HOOK3: variants seen among roughly 807,000 people sequenced by gnomAD.
HOOK3 encodes the protein hook microtubule tethering protein 3, also known as protein Hook homolog 3.
A neutral mutation model predicts 116.3 loss-of-function variants in HOOK3; 24 were observed. That is an observed-to-expected ratio of 0.21 (90% CI 0.15 to 0.29). The LOEUF (loss-of-function observed/expected upper bound fraction) is 0.29. Ranked by LOEUF, HOOK3 falls within the 10% of genes least tolerant of loss-of-function variation. The pLI is 1.00. For synonymous variants in HOOK3, 275 were observed against 283.0 expected, an observed-to-expected ratio of 0.97 and a Z score of 0.28; for missense variants, 632 against 830.2, an observed-to-expected ratio of 0.76 and a Z score of 2.93.
chr8:42,943,526 C>G, intron 5 of HOOK3, 81 bp downstream of exon 5: 1 of 888,238 alleles, frequency 1.1e-6, no homozygotes, highest in Non-Finnish European at 1.5e-6. Context: ...TATAAATCAC[C>G]AGTACCAACA....
At position 42,990,325 on chromosome 8, in the gene HOOK3, CTTTTTTTTTTTTTTTTTTTTTT is replaced by C. The variant is rs59033055; in HGVS notation, c.1532+3546_1532+3567del. 2.4e-4 allele frequency among the ~76,000 whole-genome samples: 9 copies of C among 37,882 alleles called. No individual in the cohort carries two copies. In the East Asian group the frequency reaches 3.3e-3, roughly 14 times the overall value. The allele number at this position is 37,882 out of a possible 152,430, so 24.9% of individuals were successfully genotyped here. ...TTGAGAAATAAATATCTGTTTAGAT[CTTTTTTTTTTTTTTTTTTTTTT>C]TTTTTTTTTTTTTTTGAGGATCTCA... On this transcript the variant is annotated intron_variant, in intron 15 of 21. Transcript: ENST00000307602.
chr8:42,918,362 A>T (rs1807572011), intron 2 of HOOK3, among the ~76,000 whole-genome samples: 1 of 152,168 alleles, frequency 6.6e-6, no homozygotes, highest in African/African-American at 2.4e-5. Context: ...AAAAAGAAAA[A>T]ATTACATTGC....
intron 19 of HOOK3, among the ~76,000 whole-genome samples, chr8:43,011,086 G>A (rs926583732): frequency 3.3e-5 from 5 of 151,680 alleles, no homozygotes; most frequent in South Asian, 2.1e-4. Context: ...TCCGCCTCCC[G>A]GGTTCACGCC....
intron 13 of HOOK3, among the ~76,000 whole-genome samples, chr8:42,981,919 A>G (rs1401381878): frequency 6.8e-6 from 1 of 147,994 alleles, no homozygotes. Context: ...AATATTTTCT[A>G]TAAACCTGAC....
At chr8:42,948,841 A>T (rs1299298724) in intron 5 of HOOK3, among the ~76,000 whole-genome samples, 1 of 152,212 alleles carries the variant, frequency 6.6e-6, no homozygotes, top group Non-Finnish European at 1.5e-5. Flanking sequence ...TTAAGTTATG[A>T]TATTCCTGTT....
chr8:42,978,390 C>A (rs1586618752), intron 13 of HOOK3, among the ~76,000 whole-genome samples: 1 of 150,936 alleles, frequency 6.6e-6, no homozygotes, highest in Non-Finnish European at 1.5e-5. Flanking sequence ...ATTACAGGTG[C>A]CTACCACCAT....
intron 9 of HOOK3, among the ~76,000 whole-genome samples, chr8:42,964,997 G>A (rs1384690362): frequency 6.6e-6 from 1 of 152,224 alleles, no homozygotes; most frequent in Non-Finnish European, 1.5e-5. Context: ...GCAGAATGCC[G>A]CAACTATAGG....
chr8:42,903,753 A>C (rs1400439955), intron 1 of HOOK3, among the ~76,000 whole-genome samples: 1 of 149,378 alleles, frequency 6.7e-6, no homozygotes, highest in Non-Finnish European at 1.5e-5. Flanking sequence ...GTCAGAGATG[A>C]GGACATCCTG....
intron 17 of HOOK3, among the ~76,000 whole-genome samples, chr8:43,005,378 G>A (rs1230128055): frequency 1.3e-5 from 2 of 151,536 alleles, no homozygotes; most frequent in Non-Finnish European, 2.9e-5. Flanking sequence ...CTGCCACCAC[G>A]CCTGGCTCAT....
At chr8:42,982,043 C>G (rs1488107349) in intron 13 of HOOK3, among the ~76,000 whole-genome samples, 3 of 151,458 alleles carry the variant, frequency 2.0e-5, no homozygotes. Flanking sequence ...CACCTGAAGT[C>G]AGGAGTTCAA....
In HOOK3 at chr8:42,998,915, A is replaced by G. The variant is rs182482256; in HGVS notation, c.1620+1278A>G. 4.1e-3 allele frequency among the ~76,000 whole-genome samples: 619 copies of G among 152,372 alleles called. 7 individuals carry two copies. Among genetic ancestry groups the G allele is most frequent in the Middle Eastern group, 0.017 (5 of 294 alleles). ...GAAATATTATTAAGCCTAATTAAGT[A>G]TCTTAGAGATGAACTGAATGGGGCA... On this transcript the variant is annotated intron_variant, in intron 16 of 21. Coordinates refer to ENST00000307602, the MANE Select transcript of HOOK3 (RefSeq NM_032410.4).
rs772077185 is a variant in HOOK3 at position 42,968,136 on chromosome 8, G to A, written c.1044G>A (p.Met348Ile). The A allele has an allele frequency of 2.5e-6, 4 of 1,613,464 alleles. No homozygotes were observed. Among genetic ancestry groups the A allele is most frequent in the Non-Finnish European group, 3.4e-6 (4 of 1,179,564 alleles). Residue 348 changes from methionine (M) to isoleucine (I), a missense_variant, in exon 11 of 22, where the codon ATG (methionine) becomes ATA (isoleucine). Physicochemically the swap from Met to Ile is conservative, Grantham distance 10. This residue lies in a region of HOOK3 where 483 missense variants were observed against 648.1 expected (regional missense o/e 0.75). Coordinates refer to ENST00000307602, the MANE Select transcript of HOOK3 (RefSeq NM_032410.4). ...TAGAAGAGAAGAATACCATGTATAT[G>A]CAGAATACTGTCAGTCTAGAGGAAG... ...KLLEEKNTMY[M>I]QNTVSLEEEL... is the part of the protein sequence containing the mutation.
intron 21 of HOOK3, among the ~76,000 whole-genome samples, chr8:43,017,568 A>G (rs1016971183): frequency 6.6e-6 from 1 of 152,178 alleles, no homozygotes; most frequent in African/African-American, 2.4e-5. Flanking sequence ...TCAGTTCTTA[A>G]TGTTTCTCTG....
At chr8:42,991,255 A>G (rs1369132329) in intron 15 of HOOK3, among the ~76,000 whole-genome samples, 2 of 152,168 alleles carry the variant, frequency 1.3e-5, no homozygotes, top group Non-Finnish European at 2.9e-5. Flanking sequence ...TTTGCTTAGA[A>G]TAGCTTTGGT....
At chr8:42,956,223 CGTGTGTGTGTGTGTGT>C (rs61448463) in intron 6 of HOOK3, among the ~76,000 whole-genome samples, 12 of 135,886 alleles carry the variant, frequency 8.8e-5, no homozygotes, top group East Asian at 6.4e-4. Flanking sequence ...AGGATTAGGG[CGTGTGTGTGTGTGTGT>C]GTGTGTGTGT....
chr8:42,983,456 A>G (rs1469180270), intron 14 of HOOK3, among the ~76,000 whole-genome samples: 1 of 152,024 alleles, frequency 6.6e-6, no homozygotes, highest in African/African-American at 2.4e-5. Context: ...CATACCTTAT[A>G]TTTTTAATCA....
intron 19 of HOOK3, among the ~76,000 whole-genome samples, chr8:43,011,631 T>C (rs560187575): frequency 6.6e-6 from 1 of 152,244 alleles, no homozygotes; most frequent in East Asian, 1.9e-4. Context: ...CCTGTCGCTG[T>C]AGGAGGTCAA....
chr8:43,022,401 A>G lies in HOOK3; in HGVS notation c.*3903A>G, dbSNP rs1213808458. 1 of 204,244 alleles carries G rather than the reference A, an allele frequency of 4.9e-6. No individual in the cohort carries two copies. The highest frequency in any genetic ancestry group is 7.5e-5 in the East Asian group (1 of 13,352). 12.7% of individuals were successfully genotyped at this position (204,244 alleles called of 1,614,324 possible). A position where few individuals can be genotyped will look rare whatever the true frequency, so the allele number is the denominator to read the frequency against. On this transcript the variant is annotated 3_prime_UTR_variant, in exon 22 of 22. Transcript: ENST00000307602. Reference sequence around the variant, plus strand: ...CAGTGGAGCTTGTCCAGGCACCAGCATGGAGCAAGTACAGGGTTGCTGTGT... The same window carrying G: ...CAGTGGAGCTTGTCCAGGCACCAGCGTGGAGCAAGTACAGGGTTGCTGTGT...
In HOOK3 at chr8:43,027,049, G is replaced by A. The variant is rs950496410; in HGVS notation, c.*8551G>A. ...TAGGATTACAGGTGCCCACCACCACGCCCAACTAATTTTTGTATTTTTAGT... is the reference window on the plus strand; with the variant it reads ...TAGGATTACAGGTGCCCACCACCACACCCAACTAATTTTTGTATTTTTAGT... On this transcript the variant is annotated 3_prime_UTR_variant, in exon 22 of 22. Coordinates refer to ENST00000307602, the MANE Select transcript of HOOK3 (RefSeq NM_032410.4). The A allele has an allele frequency of 5.0e-5, 9 of 180,790 alleles. No individual in the cohort carries two copies. Among genetic ancestry groups the A allele is most frequent in the Non-Finnish European group, 8.2e-5 (7 of 84,900 alleles). 11.2% of individuals were successfully genotyped at this position (180,790 alleles called of 1,614,324 possible). A position where few individuals can be genotyped will look rare whatever the true frequency, so the allele number is the denominator to read the frequency against.
Sources: allele counts gnomAD v4.1 joint callset (sites outside exome capture counted in the v4.1 genomes callset), GRCh38; gene constraint gnomAD v4.1.1; regional missense constraint gnomAD v4.1.1; transcripts MANE v1.5; gene names NCBI Gene and HGNC (gene_info 2026-07-23, HGNC 2026-07-21).